Variants in RBM47 observed in about 807,000 individuals in gnomAD.
The protein encoded by RBM47 is RNA-binding protein 47.
RBM47 carries 21 observed loss-of-function variants against 47.1 expected under a neutral mutation model. The observed-to-expected ratio is 0.45, with a 90% CI of 0.32 to 0.64. RBM47 has a LOEUF of 0.64. Among genes scored for constraint, RBM47 ranks in the 30% least tolerant of loss-of-function variants. RBM47 has a pLI of 0.05. For synonymous variants in RBM47, 375 were observed against 361.7 expected, an observed-to-expected ratio of 1.04 and a Z score of -0.42; for missense variants, 708 against 870.9, an observed-to-expected ratio of 0.81 and a Z score of 2.35.
chr4:40,536,373 A>AC (rs1727982119), intron 2 of RBM47, among the ~76,000 whole-genome samples: 1 of 152,226 alleles, frequency 6.6e-6, no homozygotes, highest in Non-Finnish European at 1.5e-5. Flanking sequence ...TACAGGGCTG[A>AC]CATTTAAGTA....
At position 40,438,087 on chromosome 4, in the gene RBM47, G is replaced by GAA; in HGVS notation, c.805_806dup (p.Asn270SerfsTer30). ...TGACGCGCTCCACGCAGCCGGGGTT[G>GAA]AACTGGCCGAAGCTCTTCTTGATGG... On this transcript the variant is annotated frameshift_variant, in exon 4 of 7. Coordinates refer to ENST00000295971, the MANE Select transcript of RBM47 (RefSeq NM_001098634.2). LOFTEE classifies it high-confidence loss of function. 2 of 1,613,850 alleles carry GAA rather than the reference G, an allele frequency of 1.2e-6. No individual in the cohort carries two copies. The highest frequency in any genetic ancestry group is 1.7e-6 in the Non-Finnish European group (2 of 1,180,008).
intron 6 of RBM47, among the ~76,000 whole-genome samples, chr4:40,430,249 CA>C (rs11366159): frequency 0.6 from 90,590 of 150,292 alleles, 27,544 homozygotes; most frequent in East Asian, 0.87. Context: ...CAAAAACAAA[CA>C]AAAAAAAAAC....
intron 2 of RBM47, among the ~76,000 whole-genome samples, chr4:40,503,204 T>C (rs17587165): frequency 0.037 from 5,581 of 152,154 alleles, 160 homozygotes; most frequent in East Asian, 0.17. Flanking sequence ...CACAGGAGTA[T>C]GATGAGTCTG....
chr4:40,618,365 A>G (rs1203754777), intron 1 of RBM47, among the ~76,000 whole-genome samples: 2 of 152,218 alleles, frequency 1.3e-5, no homozygotes, highest in East Asian at 3.9e-4. Context: ...AAGATTTTAC[A>G]GTGAGCAATG....
chr4:40,460,640 A>G (rs1477248713), intron 3 of RBM47, among the ~76,000 whole-genome samples: 17 of 152,040 alleles, frequency 1.1e-4, no homozygotes. Context: ...GTGCCACTGC[A>G]CTCCAGAGAG....
rs1339772453 is a variant in RBM47, at chr4:40,545,491, C to A, written c.-239-985G>T. ...CCAGCCTGACCAATATGGTGAAACC[C>A]CATCTCTACTAAAAATACAAAAATT... On this transcript the variant is annotated intron_variant, in intron 1 of 6. Transcript: ENST00000295971. Among the ~76,000 whole-genome samples, 5 of 149,330 alleles carry A rather than the reference C, an allele frequency of 3.3e-5. No homozygotes were observed. The East Asian group carries it at 7.9e-4, about 24-fold the overall frequency.
At chr4:40,487,402 T>C (rs1378983698) in intron 2 of RBM47, among the ~76,000 whole-genome samples, 1 of 152,166 alleles carries the variant, frequency 6.6e-6, no homozygotes, top group Non-Finnish European at 1.5e-5. Context: ...TTCAAGTGAT[T>C]TTCCTGCCTC....
intron 1 of RBM47, among the ~76,000 whole-genome samples, chr4:40,601,931 G>A (rs952323817): frequency 4.6e-5 from 7 of 152,180 alleles, no homozygotes; most frequent in African/African-American, 1.7e-4. Context: ...CACTTTGGGA[G>A]GCCAATGTGG....
chr4:40,509,214 A>C (rs539549403), intron 2 of RBM47, among the ~76,000 whole-genome samples: 256 of 151,430 alleles, frequency 1.7e-3, no homozygotes, highest in African/African-American at 6.0e-3. Flanking sequence ...TTTTCAAAGT[A>C]GTTATTTGAT....
chr4:40,618,607 G>A (rs755614773), intron 1 of RBM47, among the ~76,000 whole-genome samples: 9 of 151,252 alleles, frequency 6.0e-5, no homozygotes, highest in Admixed American at 3.3e-4. Flanking sequence ...TCAGGAGGTC[G>A]AGACCAGCCT....
intron 2 of RBM47, among the ~76,000 whole-genome samples, chr4:40,520,807 G>A (rs953312848): frequency 4.6e-5 from 7 of 152,198 alleles, no homozygotes; most frequent in African/African-American, 1.7e-4. Flanking sequence ...GCCCAAGGAA[G>A]GAGGGGCTGC....
intron 2 of RBM47, among the ~76,000 whole-genome samples, chr4:40,531,854 A>G (rs577934564): frequency 1.3e-5 from 2 of 152,272 alleles, no homozygotes; most frequent in South Asian, 4.1e-4. Flanking sequence ...GTGCGAATGA[A>G]GAGGAAAGGC....
intron 2 of RBM47, among the ~76,000 whole-genome samples, chr4:40,511,899 C>A (rs1425098141): frequency 2.0e-5 from 3 of 147,916 alleles, no homozygotes; most frequent in African/African-American, 7.5e-5. Context: ...TGTGCCACTG[C>A]ACTCCAGCCT....
Position 40,433,998 on chromosome 4 carries a change from C to CG in RBM47, c.1331-1137dup, listed in dbSNP as rs138012744. On this transcript the variant is annotated intron_variant, in intron 5 of 6. Transcript: ENST00000295971. ...TTTGTGTGAGTGTGTGTGTGTGGGG[C>CG]GGGGGTGTGTGTGTGTGTGTGTGTG... Among the ~76,000 whole-genome samples, 70 of 41,980 alleles carry CG rather than the reference C, an allele frequency of 1.7e-3. 1 individual carries two copies. Among genetic ancestry groups the CG allele is most frequent in the South Asian group, 8.5e-3 (8 of 940 alleles). The allele number at this position is 41,980 out of a possible 152,430, so 27.5% of individuals were successfully genotyped here.
chr4:40,523,300 C>T (rs986482776), intron 2 of RBM47, among the ~76,000 whole-genome samples: 5 of 151,946 alleles, frequency 3.3e-5, no homozygotes, highest in African/African-American at 1.2e-4. Context: ...CAGGGCTAGG[C>T]ACAGTGGCTC....
intron 2 of RBM47, among the ~76,000 whole-genome samples, chr4:40,532,737 G>A (rs1727538488): frequency 6.7e-6 from 1 of 149,598 alleles, no homozygotes; most frequent in East Asian, 2.0e-4. Context: ...TCTAATTAAA[G>A]GTCAGATGAG....
intron 2 of RBM47, among the ~76,000 whole-genome samples, chr4:40,512,531 A>C (rs1725073554): frequency 6.6e-6 from 1 of 151,644 alleles, no homozygotes; most frequent in Non-Finnish European, 1.5e-5. Context: ...GCTTGGCCAA[A>C]ATGGTGAAAC....
chr4:40,539,589 A>C (rs972192378), intron 2 of RBM47, among the ~76,000 whole-genome samples: 1 of 151,620 alleles, frequency 6.6e-6, no homozygotes, highest in African/African-American at 2.4e-5. Context: ...AAAATACAAA[A>C]ATTAGCCGAG....
intron 2 of RBM47, among the ~76,000 whole-genome samples, chr4:40,511,007 T>A (rs986403973): frequency 6.6e-6 from 1 of 152,212 alleles, no homozygotes; most frequent in Non-Finnish European, 1.5e-5. Context: ...TTACTTAAGA[T>A]CTTGAGTTGC....
Sources: gnomAD v4.1 joint callset for allele counts (sites outside exome capture counted in the v4.1 genomes callset) on GRCh38, gnomAD v4.1.1 for gene constraint, MANE v1.5 for transcripts, NCBI Gene and HGNC (gene_info 2026-07-23, HGNC 2026-07-21) for gene names.